TEK: variants seen among roughly 807,000 people sequenced by gnomAD.
TEK encodes TEK receptor tyrosine kinase.
Under a neutral mutation model 131.8 loss-of-function variants are expected in TEK, and 43 were observed. That is an observed-to-expected ratio of 0.33 (90% CI 0.26 to 0.42). The LOEUF (loss-of-function observed/expected upper bound fraction) is 0.42, where lower values mean the gene tolerates loss of function less well. Ranked by LOEUF, TEK falls within the 10% of genes least tolerant of loss-of-function variation. The pLI, the probability that TEK is intolerant of heterozygous loss-of-function variation, is 1.00. For synonymous variants in TEK, 580 were observed against 491.6 expected (o/e 1.18, Z -2.38); for missense variants, 1,162 against 1,384.4 (o/e 0.84, Z 2.55).
intron 10 of TEK, chr9:27,191,842 C>A (rs1243539712): frequency 1.2e-5 from 5 of 424,954 alleles, no homozygotes; most frequent in Non-Finnish European, 2.3e-5. Flanking sequence ...ACAAAGTGGT[C>A]TTCTAAGAAC....
chr9:27,131,805 T>TA lies in TEK; in HGVS notation c.52+22174dup, dbSNP rs796634179. 3.1e-3 allele frequency among the ~76,000 whole-genome samples: 459 copies of TA among 146,548 alleles called. 3 individuals are homozygous for TA. Among genetic ancestry groups the TA allele is most frequent in the African/African-American group, 0.01 (406 of 40,110 alleles). ...CTGGGTGACAGAGTGAGATTTTGTT[T>TA]AAAAAAAAAAAGAAAGAAATTTGAT... On this transcript the variant is annotated intron_variant, in intron 1 of 22. Coordinates refer to ENST00000380036, the MANE Select transcript of TEK (RefSeq NM_000459.5).
chr9:27,205,684 A>G (rs1455889117), intron 14 of TEK, among the ~76,000 whole-genome samples: 1 of 152,070 alleles, frequency 6.6e-6, no homozygotes, highest in East Asian at 1.9e-4. Context: ...TAAAAATCAC[A>G]CTTTACCAAG....
At chr9:27,184,587 A>T (rs1024731537) in intron 8 of TEK, among the ~76,000 whole-genome samples, 2 of 152,088 alleles carry the variant, frequency 1.3e-5, no homozygotes, top group South Asian at 4.1e-4. Context: ...CCAAAATCTT[A>T]TTGGCTTTTT....
chr9:27,161,833 A>G (rs978377740), intron 2 of TEK, among the ~76,000 whole-genome samples: 49 of 152,378 alleles, frequency 3.2e-4, no homozygotes, highest in African/African-American at 1.2e-3. Context: ...TAGAGATTTT[A>G]TCACACATAT....
intron 12 of TEK, among the ~76,000 whole-genome samples, chr9:27,199,086 C>A (rs926478691): frequency 8.5e-5 from 13 of 152,250 alleles, no homozygotes; most frequent in Non-Finnish European, 4.4e-5. Flanking sequence ...AGGCATGAGC[C>A]ACTGTGCCAA....
rs1825868944 is a variant in TEK, at chr9:27,217,694, C to A, written c.2998C>A (p.Leu1000Ile). The change falls in exon 19 of 23, where the codon CTC becomes ATC. Residue 1000 changes from leucine (L) to isoleucine (I), a missense_variant. Leu to Ile is a conservative substitution (Grantham distance 5). Transcript: ENST00000380036. ...EVYVKKTMGRLPVRWMAIESL... is the reference protein window; with the variant it reads ...EVYVKKTMGRIPVRWMAIESL... ...CTCACTTTGTTCTCTCCAGGGAAGG[C>A]TCCCAGTGCGCTGGATGGCCATCGA... The A allele has an allele frequency of 6.2e-7, 1 of 1,613,646 alleles. No individual in the cohort carries two copies. The highest frequency in any genetic ancestry group is 1.3e-5 in the African/African-American group (1 of 74,912).
chr9:27,185,436 G>T (rs376099098), intron 8 of TEK, 49 bp from the exon 9 acceptor site: 1 of 1,611,592 alleles, frequency 6.2e-7, no homozygotes, highest in South Asian at 1.1e-5. Flanking sequence ...GGACCTTTGC[G>T]TTTATGCCTC....
At chr9:27,225,085 C>T (rs540151324) in intron 21 of TEK, among the ~76,000 whole-genome samples, 1 of 152,278 alleles carries the variant, frequency 6.6e-6, no homozygotes, top group South Asian at 2.1e-4. Flanking sequence ...GAACTACAAA[C>T]CACTGCTCAA....
chr9:27,172,859 G>A, intron 5 of TEK, 112 bp downstream of exon 5: 1 of 1,405,020 alleles, frequency 7.1e-7, no homozygotes, highest in Non-Finnish European at 9.9e-7. Flanking sequence ...GCCTCTGTTA[G>A]GTCAGATGGT....
At chr9:27,169,449 A>G in intron 3 of TEK, 28 bp from the exon 4 acceptor site, 1 of 1,613,408 alleles carries the variant, frequency 6.2e-7, no homozygotes, top group South Asian at 1.1e-5. Context: ...AGTGTGACCT[A>G]CGGTTCTTCA....
intron 1 of TEK, among the ~76,000 whole-genome samples, chr9:27,146,935 T>C (rs1389906794): frequency 1.3e-5 from 2 of 152,198 alleles, no homozygotes; most frequent in South Asian, 2.1e-4. Context: ...TTCACCGTGT[T>C]AGCCAGGATG....
intron 1 of TEK, among the ~76,000 whole-genome samples, chr9:27,128,279 A>T (rs1010672968): frequency 9.2e-5 from 14 of 152,140 alleles, no homozygotes; most frequent in Non-Finnish European, 1.9e-4. Context: ...TAAAGATAAG[A>T]TGGTTGTAGA....
chr9:27,191,556 C>T (rs938973627), intron 10 of TEK, among the ~76,000 whole-genome samples: 2 of 150,926 alleles, frequency 1.3e-5, no homozygotes, highest in East Asian at 3.9e-4. Context: ...AAATGACCCT[C>T]TATTCACTAT....
At chr9:27,122,324 C>A (rs1364030324) in intron 1 of TEK, among the ~76,000 whole-genome samples, 1 of 152,008 alleles carries the variant, frequency 6.6e-6, no homozygotes, top group African/African-American at 2.4e-5. Flanking sequence ...GGGATCTCAC[C>A]AGGAGGGTGA....
intron 20 of TEK, 34 bp from the exon 21 acceptor site, chr9:27,220,015 G>GAGAGGACT (rs1564108109): frequency 6.2e-7 from 1 of 1,605,524 alleles, no homozygotes; most frequent in East Asian, 2.2e-5. Flanking sequence ...TTTCATGCCA[G>GAGAGGACT]AGAGGACTTA....
At position 27,220,754 on chromosome 9, in the gene TEK, A is replaced by ACTAAG. The variant is rs1826032425; in HGVS notation, c.3200+612_3200+616dup. Among the ~76,000 whole-genome samples, 3 of 152,320 alleles carry ACTAAG rather than the reference A, an allele frequency of 2.0e-5. No individual in the cohort carries two copies. The South Asian group carries it at 6.2e-4, about 32-fold the overall frequency. ...ACGAATGGTGCATTCCAGCCCAGAT[A>ACTAAG]CTAAGCTTTTCCCACAGTCTTTGCA... On this transcript the variant is annotated intron_variant, in intron 21 of 22. Coordinates refer to ENST00000380036, the MANE Select transcript of TEK (RefSeq NM_000459.5).
At chr9:27,164,599 G>T (rs7037447) in intron 2 of TEK, among the ~76,000 whole-genome samples, 2 of 152,136 alleles carry the variant, frequency 1.3e-5, no homozygotes, top group East Asian at 3.9e-4. Context: ...GATTACAGGC[G>T]TGAGCAACTA....
chr9:27,172,067 C>T (rs1450645124), intron 4 of TEK, among the ~76,000 whole-genome samples: 1 of 152,182 alleles, frequency 6.6e-6, no homozygotes, highest in Non-Finnish European at 1.5e-5. Context: ...CTGAACACAA[C>T]ACTTCTGACA....
intron 9 of TEK, among the ~76,000 whole-genome samples, chr9:27,187,334 G>T (rs78443822): frequency 0.054 from 8,279 of 152,252 alleles, 318 homozygotes; most frequent in South Asian, 0.14. Context: ...TACAAAAACA[G>T]ATACTAGGCT....
Sources: gnomAD v4.1 joint callset for allele counts (sites outside exome capture counted in the v4.1 genomes callset) on GRCh38, gnomAD v4.1.1 for gene constraint, MANE v1.5 for transcripts, NCBI Gene and HGNC (gene_info 2026-07-23, HGNC 2026-07-21) for gene names.